Variants in ESR2 observed in about 807,000 individuals in gnomAD.
The protein encoded by ESR2 is estrogen receptor beta.
ESR2 carries 36 observed loss-of-function variants against 49.6 expected under a neutral mutation model. The observed-to-expected ratio is 0.73, with a 90% CI of 0.56 to 0.96. The LOEUF is 0.96. Ranked by LOEUF, ESR2 falls within the 40% of genes least tolerant of loss-of-function variation. The probability of loss-of-function intolerance (pLI) is 0.00; values close to 1 mark genes in which losing one functional copy is unlikely to be tolerated. For synonymous variants in ESR2, 320 were observed against 266.1 expected (o/e 1.20, Z -1.97); for missense variants, 714 against 693.0 (o/e 1.03, Z -0.34).
intron 7 of ESR2, among the ~76,000 whole-genome samples, chr14:64,246,812 C>T (rs1355052451): frequency 7.1e-6 from 1 of 140,912 alleles, no homozygotes; most frequent in Non-Finnish European, 1.5e-5. Context: ...ACATAATCAT[C>T]AGTATAAGCT....
At chr14:64,298,528 C>T (rs899912620), upstream of ESR2, 11 of 152,192 alleles carry the variant, frequency 7.2e-5, no homozygotes, top group African/African-American at 2.7e-4. Flanking sequence ...GGAATGACCA[C>T]CTATGAGCAT....
chr14:64,315,834 T>C lies in ESR2; in HGVS notation c.-91+22064A>G, dbSNP rs951151687. Reference sequence around the variant, plus strand: ...CACGCCCAGCTAATTTTTGTATTTTTAGTAGAGAGAGTGTTTCACCATGTT... The same window carrying C: ...CACGCCCAGCTAATTTTTGTATTTTCAGTAGAGAGAGTGTTTCACCATGTT... On this transcript the variant is annotated intron_variant, in intron 1 of 8. Transcript: ENST00000358599. 9.2e-5 allele frequency among the ~76,000 whole-genome samples: 14 copies of C among 151,958 alleles called. 1 individual carries two copies. Among genetic ancestry groups the C allele is most frequent in the Non-Finnish European group, 1.2e-4 (8 of 67,970 alleles).
rs2076104862 is a variant in ESR2, at chr14:64,256,746, C to CAA, written c.1091+478_1091+479dup. 3.3e-5 allele frequency among the ~76,000 whole-genome samples: 5 copies of CAA among 149,368 alleles called. No homozygotes were observed. In the South Asian group the frequency reaches 1.1e-3, roughly 31 times the overall value. On this transcript the variant is annotated intron_variant, in intron 6 of 8. Coordinates refer to ENST00000341099, the MANE Select transcript of ESR2 (RefSeq NM_001437.3). Reference sequence around the variant, plus strand: ...TCCATCTCAGAAAAAAAACAAAAAACAAAACAAAACAAAACAAAAAAAAAC... The same window carrying CAA: ...TCCATCTCAGAAAAAAAACAAAAAACAAAAAACAAAACAAAACAAAAAAAAAC...
At chr14:64,279,719 T>A (rs1003578002) in intron 3 of ESR2, among the ~76,000 whole-genome samples, 6 of 152,266 alleles carry the variant, frequency 3.9e-5, no homozygotes, top group African/African-American at 1.4e-4. Flanking sequence ...TAACTCGATG[T>A]CTTCTATCCA....
intron 7 of ESR2, among the ~76,000 whole-genome samples, chr14:64,235,469 C>G (rs574825699): frequency 6.6e-6 from 1 of 152,368 alleles, no homozygotes; most frequent in East Asian, 1.9e-4. Context: ...TGTTTCTCAT[C>G]TGCAGCAACA....
chr14:64,250,759 G>A (rs1165428308), intron 6 of ESR2, among the ~76,000 whole-genome samples: 3 of 152,106 alleles, frequency 2.0e-5, no homozygotes, highest in African/African-American at 7.2e-5. Flanking sequence ...AGTATTTCAG[G>A]GAAGAGCCTC....
rs530601440 is a variant in ESR2, at chr14:64,273,390, T to C, written c.536-4479A>G. 1.8e-4 allele frequency among the ~76,000 whole-genome samples: 28 copies of C among 152,310 alleles called. No individual in the cohort carries two copies. The South Asian group carries it at 2.3e-3, about 12-fold the overall frequency. ...AAGTGGGCATCCTCGTCATGTTCCA[T>C]ATAGAGGAAAGGCTTTCAGTTTTTC... On this transcript the variant is annotated intron_variant, in intron 3 of 8. Coordinates refer to ENST00000341099, the MANE Select transcript of ESR2 (RefSeq NM_001437.3).
At chr14:64,331,084 A>C (rs564491026) in intron 1 of ESR2, among the ~76,000 whole-genome samples, 3 of 152,352 alleles carry the variant, frequency 2.0e-5, no homozygotes, top group African/African-American at 7.2e-5. Flanking sequence ...ATTAAAAGAC[A>C]AAGATTATAA....
chr14:64,233,636 G>T, intron 8 of ESR2: 2 of 302,808 alleles, frequency 6.6e-6, no homozygotes, highest in Non-Finnish European at 6.3e-6. Context: ...CTCACTCATA[G>T]GGGAAATACA....
intron 1 of ESR2, among the ~76,000 whole-genome samples, chr14:64,306,101 C>T (rs948165005): frequency 6.6e-6 from 1 of 151,264 alleles, no homozygotes; most frequent in Non-Finnish European, 1.5e-5. Context: ...ACCAGCTACT[C>T]GGGAGGCTGA....
intron 1 of ESR2, among the ~76,000 whole-genome samples, chr14:64,320,970 C>T (rs2077318548): frequency 1.3e-5 from 2 of 152,040 alleles, no homozygotes; most frequent in Admixed American, 1.3e-4. Flanking sequence ...CAATTTGTTA[C>T]TGTGAAGATG....
intron 1 of ESR2, among the ~76,000 whole-genome samples, chr14:64,316,851 A>G (rs1401714870): frequency 6.6e-6 from 1 of 152,156 alleles, no homozygotes; most frequent in Admixed American, 6.6e-5. Context: ...CTAATATACC[A>G]CATGAATATA....
At chr14:64,265,442 T>C (rs1279328708) in intron 4 of ESR2, among the ~76,000 whole-genome samples, 2 of 152,212 alleles carry the variant, frequency 1.3e-5, no homozygotes, top group African/African-American at 2.4e-5. Context: ...TTGTCTAAGA[T>C]GGCACAGCTA....
At chr14:64,262,647 A>G (rs1371224642) in intron 4 of ESR2, among the ~76,000 whole-genome samples, 1 of 142,870 alleles carries the variant, frequency 7.0e-6, no homozygotes, top group Non-Finnish European at 1.5e-5. Flanking sequence ...GAACTTTAGG[A>G]GGCCAAAGGT....
At chr14:64,239,382 C>T (rs982746108) in intron 7 of ESR2, among the ~76,000 whole-genome samples, 1 of 152,228 alleles carries the variant, frequency 6.6e-6, no homozygotes, top group African/African-American at 2.4e-5. Context: ...GCCAGTGTCT[C>T]TTAATAATTT....
intron 6 of ESR2, among the ~76,000 whole-genome samples, chr14:64,250,181 G>T (rs1208215670): frequency 6.6e-6 from 1 of 152,150 alleles, no homozygotes; most frequent in Non-Finnish European, 1.5e-5. Flanking sequence ...CTTCCTGGTG[G>T]TCACTTAGAA....
chr14:64,280,696 C>T (rs1294147351), intron 2 of ESR2, among the ~76,000 whole-genome samples: 2 of 152,172 alleles, frequency 1.3e-5, no homozygotes, highest in Non-Finnish European at 2.9e-5. Context: ...TCTGCAATTT[C>T]AGATAAAGGT....
At chr14:64,276,832 G>T (rs936387844) in intron 3 of ESR2, among the ~76,000 whole-genome samples, 2 of 152,134 alleles carry the variant, frequency 1.3e-5, no homozygotes, top group Non-Finnish European at 2.9e-5. Flanking sequence ...AGTGAAAAAT[G>T]ATACAGAACT....
chr14:64,305,484 C>A (rs1028127475), intron 1 of ESR2, among the ~76,000 whole-genome samples: 2 of 151,516 alleles, frequency 1.3e-5, no homozygotes, highest in Non-Finnish European at 2.9e-5. Flanking sequence ...TCCTGGCTAA[C>A]ACAGTGAAAC....
Sources: gnomAD v4.1 joint callset for allele counts (sites outside exome capture counted in the v4.1 genomes callset) on GRCh38, gnomAD v4.1.1 for gene constraint, MANE v1.5 for transcripts, NCBI Gene and HGNC (gene_info 2026-07-23, HGNC 2026-07-21) for gene names.